MLF2: variants seen among roughly 807,000 people sequenced by gnomAD.
MLF2 encodes the protein myelodysplasia-myeloid leukemia factor 2.
In MLF2, 12 loss-of-function variants were observed where a neutral mutation model predicts 31.4. The observed-to-expected ratio is 0.38, with a 90% CI of 0.24 to 0.62. MLF2 has a LOEUF of 0.62. MLF2 is among the 20% of genes least tolerant of loss of function. MLF2 has a pLI of 0.58. For synonymous variants in MLF2, 109 were observed against 118.8 expected, an observed-to-expected ratio of 0.92 and a Z score of 0.54; for missense variants, 272 against 359.7, an observed-to-expected ratio of 0.76 and a Z score of 1.97.
In MLF2 at chr12:6,752,415, C is replaced by T. The variant is rs549570067; in HGVS notation, c.-28-53G>A. On this transcript the variant is annotated intron_variant, in intron 1 of 8. Coordinates refer to ENST00000203630, the MANE Select transcript of MLF2 (RefSeq NM_001382226.1). This position sits in a 1 kb window ranked among gnomAD's most constrained non-coding sequence, Gnocchi z 4.6. ...TGGAGGTGGCCAGGGTTTTGCACACCCACTCAGTGTGGGGACTCTCAGAGC... is the reference window on the plus strand; with the variant it reads ...TGGAGGTGGCCAGGGTTTTGCACACTCACTCAGTGTGGGGACTCTCAGAGC... 1.6e-4 allele frequency: 233 copies of T among 1,429,460 alleles called. 3 individuals are homozygous for T. The South Asian group carries it at 2.8e-3, about 17-fold the overall frequency. The allele number at this position is 1,429,460 out of a possible 1,614,324, so 88.5% of individuals were successfully genotyped here.
At position 6,752,130 on chromosome 12, in the gene MLF2, G is replaced by C; in HGVS notation, c.51-76C>G. ...CCTCCACCACCCTGCAAAAAAATAC[G>C]CACAGAGCAACAGTGGCACCGATGC... On this transcript the variant is annotated intron_variant, in intron 2 of 8. Transcript: ENST00000203630. This position sits in a 1 kb window ranked among gnomAD's most constrained non-coding sequence, Gnocchi z 4.6. The C allele has an allele frequency of 6.2e-7, 1 of 1,600,868 alleles. No homozygotes were observed. The highest frequency in any genetic ancestry group is 8.5e-7 in the Non-Finnish European group (1 of 1,170,546).
chr12:6,750,420 T>A lies in MLF2; in HGVS notation c.271-115A>T. The A allele has an allele frequency of 7.3e-7, 1 of 1,377,316 alleles. No individual in the cohort carries two copies. The highest frequency in any genetic ancestry group is 2.2e-5 in the Admixed American group (1 of 44,588). The allele number at this position is 1,377,316 out of a possible 1,614,324, so 85.3% of individuals were successfully genotyped here. ...TATCTTTCTCACAAAATGCAAGAACTGAAAAAACATCAGGCCTCATCATTA... is the reference window on the plus strand; with the variant it reads ...TATCTTTCTCACAAAATGCAAGAACAGAAAAAACATCAGGCCTCATCATTA... On this transcript the variant is annotated intron_variant, in intron 5 of 8. Coordinates refer to ENST00000203630, the MANE Select transcript of MLF2 (RefSeq NM_001382226.1). This position sits in a 1 kb window ranked among gnomAD's most constrained non-coding sequence, Gnocchi z 5.3.
In MLF2 at chr12:6,750,815, C is replaced by A; in HGVS notation, c.217-49G>T. On this transcript the variant is annotated intron_variant, in intron 4 of 8. Coordinates refer to ENST00000203630, the MANE Select transcript of MLF2 (RefSeq NM_001382226.1). The surrounding 1 kb of genome is among the most constrained non-coding windows in gnomAD (Gnocchi z 5.3). ...GAGTCAGGAAAGCAAAGTCAGTGTT[C>A]AGAGTTGATCCTGTTTAGGAACCCA... 2 of 1,569,352 alleles carry A rather than the reference C, an allele frequency of 1.3e-6. No homozygotes were observed. The highest frequency in any genetic ancestry group is 2.2e-5 in the South Asian group (2 of 89,464).
chr12:6,750,550 G>A lies in MLF2; in HGVS notation c.270+163C>T, dbSNP rs1941598376. 2.1e-6 allele frequency: 2 copies of A among 940,474 alleles called. No homozygotes were observed. Among genetic ancestry groups the A allele is most frequent in the Non-Finnish European group, 3.2e-6 (2 of 619,094 alleles). 58.3% of individuals were successfully genotyped at this position (940,474 alleles called of 1,614,324 possible). A position where few individuals can be genotyped will look rare whatever the true frequency, so the allele number is the denominator to read the frequency against. Reference sequence around the variant, plus strand: ...GAGCTGCTGCCGGCTGCTTCAGGCAGGCATGACAGCAGGTACAGGGTCCCA... The same window carrying A: ...GAGCTGCTGCCGGCTGCTTCAGGCAAGCATGACAGCAGGTACAGGGTCCCA... On this transcript the variant is annotated intron_variant, in intron 5 of 8. Transcript: ENST00000203630. This position sits in a 1 kb window ranked among gnomAD's most constrained non-coding sequence, Gnocchi z 5.3.
chr12:6,750,322 T>C lies in MLF2; in HGVS notation c.271-17A>G, dbSNP rs1034463718. On this transcript the variant is annotated splice_polypyrimidine_tract_variant and intron_variant, in intron 5 of 8. Transcript: ENST00000203630. This position sits in a 1 kb window ranked among gnomAD's most constrained non-coding sequence, Gnocchi z 5.3. ...CATGTGTTCCTGAGGACAGGGTAGG[T>C]AGGGGAGGGCTGAATGGGGAGGCAT... The C allele has an allele frequency of 6.2e-7, 1 of 1,612,542 alleles. No homozygotes were observed. The highest frequency in any genetic ancestry group is 1.3e-5 in the African/African-American group (1 of 74,886).
In MLF2 at chr12:6,749,085, G is replaced by T; in HGVS notation, c.560-103C>A. The T allele has an allele frequency of 7.8e-7, 1 of 1,277,574 alleles. No homozygotes were observed. The highest frequency in any genetic ancestry group is 1.1e-6 in the Non-Finnish European group (1 of 949,116). 79.1% of individuals were successfully genotyped at this position (1,277,574 alleles called of 1,614,324 possible). The stretch of plus-strand genomic sequence containing the variant: ...TTCGGGCCAAAGCGGCGAAGGCTGA[G>T]TGTGCGTGCAGGGATGGGTGGGGTG... On this transcript the variant is annotated intron_variant, in intron 7 of 8. Coordinates refer to ENST00000203630, the MANE Select transcript of MLF2 (RefSeq NM_001382226.1). This position sits in a 1 kb window ranked among gnomAD's most constrained non-coding sequence, Gnocchi z 5.3.
In MLF2 at chr12:6,752,553, T is replaced by C. The variant is rs1002809669; in HGVS notation, c.-28-191A>G. 1.9e-6 allele frequency: 1 copy of C among 515,662 alleles called. No individual in the cohort carries two copies. The highest frequency in any genetic ancestry group is 3.4e-6 in the Non-Finnish European group (1 of 290,930). The allele number at this position is 515,662 out of a possible 1,614,324, so 31.9% of individuals were successfully genotyped here. A position where few individuals can be genotyped will look rare whatever the true frequency, so the allele number is the denominator to read the frequency against. On this transcript the variant is annotated intron_variant, in intron 1 of 8. Transcript: ENST00000203630. The surrounding 1 kb of genome is among the most constrained non-coding windows in gnomAD (Gnocchi z 4.6). ...GGGCTCTTCAAACCTCTTTCTCAAT[T>C]AGGGCCATGGAAAATTTTTCCAACC...
Position 6,749,015 on chromosome 12 carries a change from T to A in MLF2, c.560-33A>T, listed in dbSNP as rs374903615. 45 of 1,516,828 alleles carry A rather than the reference T, an allele frequency of 3.0e-5. No individual in the cohort carries two copies. Among genetic ancestry groups the A allele is most frequent in the East Asian group, 2.6e-4 (10 of 38,270 alleles). The allele number at this position is 1,516,828 out of a possible 1,614,324, so 94.0% of individuals were successfully genotyped here. Reference sequence around the variant, plus strand: ...GGACAGAGCGGACATGAGGCCTGTGTGCGGCCTGGCTCCTGGAGGCCGATG... The same window carrying A: ...GGACAGAGCGGACATGAGGCCTGTGAGCGGCCTGGCTCCTGGAGGCCGATG... On this transcript the variant is annotated intron_variant, in intron 7 of 8. Transcript: ENST00000203630. This position sits in a 1 kb window ranked among gnomAD's most constrained non-coding sequence, Gnocchi z 5.3.
rs1180278316 is a variant in MLF2 at position 6,753,132 on chromosome 12, G to T, written c.-222C>A. 9 of 394,308 alleles carry T rather than the reference G, an allele frequency of 2.3e-5. No homozygotes were observed. Among genetic ancestry groups the T allele is most frequent in the Non-Finnish European group, 4.0e-5 (9 of 223,840 alleles). 24.4% of individuals were successfully genotyped at this position (394,308 alleles called of 1,614,324 possible). A position where few individuals can be genotyped will look rare whatever the true frequency, so the allele number is the denominator to read the frequency against. On this transcript the variant is annotated 5_prime_UTR_variant, in exon 1 of 9. Transcript: ENST00000203630. ...CGGAGCCCGAACCTCGGCCAGGCCC[G>T]GGCGGAAGTGACGTCACGATAGACC... is the stretch of plus-strand genomic sequence containing the variant.
Position 6,753,122 on chromosome 12 carries a change from G to A in MLF2, c.-212C>T, listed in dbSNP as rs938532697. On this transcript the variant is annotated 5_prime_UTR_variant, in exon 1 of 9. Coordinates refer to ENST00000203630, the MANE Select transcript of MLF2 (RefSeq NM_001382226.1). Reference sequence around the variant, plus strand: ...CCTCGGCCAACGGAGCCCGAACCTCGGCCAGGCCCGGGCGGAAGTGACGTC... The same window carrying A: ...CCTCGGCCAACGGAGCCCGAACCTCAGCCAGGCCCGGGCGGAAGTGACGTC... 33 of 394,028 alleles carry A rather than the reference G, an allele frequency of 8.4e-5. No homozygotes were observed. Among genetic ancestry groups the A allele is most frequent in the African/African-American group, 5.2e-4 (25 of 48,446 alleles). 24.4% of individuals were successfully genotyped at this position (394,028 alleles called of 1,614,324 possible).
At position 6,749,243 on chromosome 12, in the gene MLF2, G is replaced by C. The variant is rs148000301; in HGVS notation, c.560-261C>G. Among the ~76,000 whole-genome samples, 61 of 152,350 alleles carry C rather than the reference G, an allele frequency of 4.0e-4. No homozygotes were observed. The highest frequency in any genetic ancestry group is 1.4e-3 in the African/African-American group (58 of 41,580). On this transcript the variant is annotated intron_variant, in intron 7 of 8. Transcript: ENST00000203630. This position sits in a 1 kb window ranked among gnomAD's most constrained non-coding sequence, Gnocchi z 5.3. The stretch of plus-strand genomic sequence containing the variant: ...GGTTCACAGTCCTATGTGCACACTA[G>C]GTACTTAATAATTGCGGATTTGAAA...
Position 6,752,770 on chromosome 12 carries a change from A to C in MLF2, c.-29+169T>G. 1 of 166,384 alleles carries C rather than the reference A, an allele frequency of 6.0e-6. No homozygotes were observed. The highest frequency in any genetic ancestry group is 1.3e-5 in the Non-Finnish European group (1 of 77,512). 10.3% of individuals were successfully genotyped at this position (166,384 alleles called of 1,614,324 possible). ...AGGCCTCCCCCAGGCGGGCCTCACT[A>C]AGCCCCCCGCGCCTGTCTGCGACTC... On this transcript the variant is annotated intron_variant, in intron 1 of 8. Transcript: ENST00000203630. This position sits in a 1 kb window ranked among gnomAD's most constrained non-coding sequence, Gnocchi z 4.6.
At position 6,748,788 on chromosome 12, in the gene MLF2, G is replaced by A. The variant is rs200064554; in HGVS notation, c.*7C>T. 933 of 1,520,964 alleles carry A rather than the reference G, an allele frequency of 6.1e-4. 1 individual carries two copies. Among genetic ancestry groups the A allele is most frequent in the African/African-American group, 9.6e-4 (66 of 68,888 alleles). 94.2% of individuals were successfully genotyped at this position (1,520,964 alleles called of 1,614,324 possible). On this transcript the variant is annotated 3_prime_UTR_variant, in exon 8 of 9. Transcript: ENST00000203630. The surrounding 1 kb of genome is among the most constrained non-coding windows in gnomAD (Gnocchi z 4.6). ...TACTTACAAGAGAGGCTGAGGGCCC[G>A]GGGCCCTCACCAGTCATAGCGGCGG...
At chr12:6,751,726 T>C (rs1941618326) in intron 3 of MLF2, 50 bp from the exon 4 acceptor site, 2 of 1,609,238 alleles carry the variant, frequency 1.2e-6, no homozygotes, top group Non-Finnish European at 8.5e-7. Flanking sequence ...CCTATCTCTT[T>C]ACAATCCCAA....
In MLF2 at chr12:6,750,789, A is replaced by G. The variant is rs1399057491; in HGVS notation, c.217-23T>C. 4 of 1,612,042 alleles carry G rather than the reference A, an allele frequency of 2.5e-6. No individual in the cohort carries two copies. The highest frequency in any genetic ancestry group is 2.2e-5 in the East Asian group (1 of 44,864). The stretch of plus-strand genomic sequence containing the variant: ...CGACTGGAGGAAAGAGATGGAAAAC[A>G]GAGTCAGGAAAGCAAAGTCAGTGTT... On this transcript the variant is annotated intron_variant, in intron 4 of 8. Transcript: ENST00000203630. The surrounding 1 kb of genome is among the most constrained non-coding windows in gnomAD (Gnocchi z 5.3).
chr12:6,750,027 G>T lies in MLF2; in HGVS notation c.400-20C>A. 6.2e-7 allele frequency: 1 copy of T among 1,613,790 alleles called. No homozygotes were observed. Among genetic ancestry groups the T allele is most frequent in the Non-Finnish European group, 8.5e-7 (1 of 1,179,792 alleles). On this transcript the variant is annotated intron_variant, in intron 6 of 8. Coordinates refer to ENST00000203630, the MANE Select transcript of MLF2 (RefSeq NM_001382226.1). This position sits in a 1 kb window ranked among gnomAD's most constrained non-coding sequence, Gnocchi z 5.3. ...CCGGATCTGGGATGAGGCAGAACGT[G>T]GCACACTCAGCCGCCCCTTCCAAAG...
rs1941622982 is a variant in MLF2 at position 6,752,026 on chromosome 12, T to C, written c.79A>G (p.Met27Val). The C allele has an allele frequency of 1.2e-6, 2 of 1,614,066 alleles. No homozygotes were observed. Among genetic ancestry groups the C allele is most frequent in the African/African-American group, 1.3e-5 (1 of 74,918 alleles). The part of the protein sequence containing the change: ...MDPFAIHRQH[M>V]SRMLSGGFGY... The stretch of plus-strand genomic sequence containing the variant: ...AAGCCACCTGACAACATACGGCTCA[T>C]ATGCTGACGGTGAATAGCAAAGGGA... The change falls in exon 3 of 9, where the codon ATG becomes GTG. Residue 27 changes from methionine to valine, a missense_variant. Coordinates refer to ENST00000203630, the MANE Select transcript of MLF2 (RefSeq NM_001382226.1). The surrounding 1 kb of genome is among the most constrained non-coding windows in gnomAD (Gnocchi z 4.6).
Position 6,752,359 on chromosome 12 carries a change from C to T in MLF2, c.-25G>A. On this transcript the variant is annotated 5_prime_UTR_variant, in exon 2 of 9. Transcript: ENST00000203630. The surrounding 1 kb of genome is among the most constrained non-coding windows in gnomAD (Gnocchi z 4.6). ...TCCTGATCTCAGCTCCAGGGGGCTC[C>T]ACACTGGAAAGATATGGAAGCTCAG... is the stretch of plus-strand genomic sequence containing the variant. 6.4e-7 allele frequency: 1 copy of T among 1,554,824 alleles called. No homozygotes were observed. The highest frequency in any genetic ancestry group is 8.7e-7 in the Non-Finnish European group (1 of 1,148,512).
In MLF2 at chr12:6,750,240, A is replaced by G. The variant is rs1216496854; in HGVS notation, c.336T>C (p.Asn112=). The G allele has an allele frequency of 1.9e-6, 3 of 1,614,124 alleles. No individual in the cohort carries two copies. Among genetic ancestry groups the G allele is most frequent in the Non-Finnish European group, 1.7e-6 (2 of 1,180,014 alleles). The part of the protein sequence containing the change: ...FSSSTVISYS[N]TGDGAPKVYQ... ...AGACCTTGGGGGCACCATCACCCGT[A>G]TTGGAGTAGGAGATGACAGTGGAAG... is the stretch of plus-strand genomic sequence containing the variant. Residue 112 remains asparagine, a synonymous_variant, in exon 6 of 9, where the codon AAT becomes AAC. Coordinates refer to ENST00000203630, the MANE Select transcript of MLF2 (RefSeq NM_001382226.1). This position sits in a 1 kb window ranked among gnomAD's most constrained non-coding sequence, Gnocchi z 5.3.
Sources: allele counts gnomAD v4.1 joint callset (sites outside exome capture counted in the v4.1 genomes callset), GRCh38; gene constraint gnomAD v4.1.1; non-coding constraint Gnocchi (gnomAD v3.1); transcripts MANE v1.5; gene names NCBI Gene and HGNC (gene_info 2026-07-23, HGNC 2026-07-21).